CCDC141: variants seen among roughly 807,000 people sequenced by gnomAD.
CCDC141 encodes coiled-coil domain containing 141.
A neutral mutation model predicts 181.0 loss-of-function variants in CCDC141; 168 were observed. The ratio of observed to expected loss-of-function variants is 0.93; its 90% CI spans 0.82 to 1.05. The LOEUF (loss-of-function observed/expected upper bound fraction) is 1.05, where lower values mean the gene tolerates loss of function less well. CCDC141 is among the 50% of genes least tolerant of loss of function. CCDC141 has a pLI of 0.00. For synonymous variants in CCDC141, 666 were observed against 642.3 expected (o/e 1.04, Z -0.56); for missense variants, 1,902 against 1,788.5 (o/e 1.06, Z -1.14).
At position 178,944,657 on chromosome 2, in the gene CCDC141, T is replaced by C; in HGVS notation, c.781-6A>G. The C allele has an allele frequency of 3.8e-6, 5 of 1,319,964 alleles. No homozygotes were observed. Among genetic ancestry groups the C allele is most frequent in the Non-Finnish European group, 5.2e-6 (5 of 957,588 alleles). 81.8% of individuals were successfully genotyped at this position (1,319,964 alleles called of 1,614,324 possible). On this transcript the variant is annotated splice_region_variant and splice_polypyrimidine_tract_variant and intron_variant, in intron 5 of 23. Coordinates refer to ENST00000443758, the MANE Select transcript of CCDC141 (RefSeq NM_173648.4). ...TTCTGAAACCAACAAGTAACCTAGG[T>C]AAAAGGCAACAAAGAAAGATCAAAA...
rs1017177862 is a variant in CCDC141 at position 178,832,486 on chromosome 2, A to G, written c.*1687T>C. The G allele has an allele frequency of 6.7e-6, 1 of 150,238 alleles. No individual in the cohort carries two copies. The highest frequency in any genetic ancestry group is 2.4e-5 in the African/African-American group (1 of 40,894). 9.3% of individuals were successfully genotyped at this position (150,238 alleles called of 1,614,324 possible). On this transcript the variant is annotated 3_prime_UTR_variant, in exon 24 of 24. Coordinates refer to ENST00000443758, the MANE Select transcript of CCDC141 (RefSeq NM_173648.4). ...TTCTCAAAAAAAAAAAAAAAAAACA[A>G]AAAAAACAAAAAAAAGATAGTTAAG...
intron 2 of CCDC141, among the ~76,000 whole-genome samples, chr2:179,015,542 TATATATCTCATATCTC>T (rs1213535483): frequency 2.1e-5 from 1 of 46,576 alleles, no homozygotes; most frequent in African/African-American, 5.7e-5. Context: ...ATATATGATA[TATATATCTCATATCTC>T]ATATATATCT....
chr2:178,858,653 C>G (rs768227694), intron 17 of CCDC141, among the ~76,000 whole-genome samples: 19 of 150,552 alleles, frequency 1.3e-4, no homozygotes, highest in Non-Finnish European at 2.7e-4. Context: ...GTGCATTTTA[C>G]CACAATTAAA....
chr2:178,991,829 T>A (rs1378281450), intron 2 of CCDC141, among the ~76,000 whole-genome samples: 2 of 151,906 alleles, frequency 1.3e-5, no homozygotes, highest in Non-Finnish European at 2.9e-5. Flanking sequence ...ATTTAAAATA[T>A]TTTATTTAAC....
the CCDC141 span, among the ~76,000 whole-genome samples, chr2:178,816,717 T>C: frequency 1.3e-5 from 2 of 152,224 alleles, no homozygotes; most frequent in Non-Finnish European, 2.9e-5. Flanking sequence ...TTGTCAGTGC[T>C]TTGGATTTTA....
intron 6 of CCDC141, among the ~76,000 whole-genome samples, chr2:178,933,274 T>C (rs1461654835): frequency 1.3e-5 from 2 of 152,216 alleles, no homozygotes; most frequent in African/African-American, 4.8e-5. Context: ...TATGTCATAA[T>C]ATAAGACAAC....
intron 2 of CCDC141, among the ~76,000 whole-genome samples, chr2:178,979,897 A>G (rs1691289932): frequency 6.6e-6 from 1 of 152,176 alleles, no homozygotes; most frequent in Non-Finnish European, 1.5e-5. Context: ...CTACATTTAA[A>G]AACTTTAAAT....
At chr2:178,918,950 A>G (rs1158510524) in intron 6 of CCDC141, 43 bp from the exon 7 acceptor site, 1 of 1,490,314 alleles carries the variant, frequency 6.7e-7, no homozygotes, top group East Asian at 2.5e-5. Context: ...CTCCTCTGTT[A>G]TGGACCGAAT....
At chr2:178,912,640 T>C in intron 7 of CCDC141, among the ~76,000 whole-genome samples, 1 of 152,208 alleles carries the variant, frequency 6.6e-6, no homozygotes, top group South Asian at 2.1e-4. Flanking sequence ...ATCATCTGTT[T>C]CTTGTGGTGA....
chr2:179,031,181 ATAT>A (rs1207663830), intron 2 of CCDC141, among the ~76,000 whole-genome samples: 4 of 144,806 alleles, frequency 2.8e-5, no homozygotes, highest in African/African-American at 9.9e-5. Flanking sequence ...TAAATTAAAC[ATAT>A]TATTAAATTA....
chr2:178,965,567 C>A (rs1404244139), intron 4 of CCDC141, among the ~76,000 whole-genome samples: 1 of 152,124 alleles, frequency 6.6e-6, no homozygotes, highest in Admixed American at 6.5e-5. Context: ...TGAGGGACAG[C>A]CTGAGGAACT....
chr2:178,982,585 G>T (rs1173479783), intron 2 of CCDC141, among the ~76,000 whole-genome samples: 4 of 152,322 alleles, frequency 2.6e-5, no homozygotes, highest in South Asian at 4.1e-4. Flanking sequence ...TGCCAGACAG[G>T]GGGCGCAGGT....
the CCDC141 span, among the ~76,000 whole-genome samples, chr2:178,824,409 G>A: frequency 6.6e-6 from 1 of 151,994 alleles, no homozygotes; most frequent in African/African-American, 2.4e-5. Flanking sequence ...GATCACCTGA[G>A]GTCAAGAGTT....
intron 17 of CCDC141, among the ~76,000 whole-genome samples, chr2:178,861,561 A>G (rs1326481652): frequency 1.3e-5 from 2 of 149,928 alleles, no homozygotes; most frequent in African/African-American, 4.9e-5. Context: ...GCTTGAACCC[A>G]GGAGGCAGAG....
chr2:178,864,076 C>T lies in CCDC141; in HGVS notation c.2724+1691G>A, dbSNP rs558632673. ...TCACAGCTCTACAGGGAGCTAGAAA[C>T]GGAGCCAGAGGGGGCTGGGAAAACC... On this transcript the variant is annotated intron_variant, in intron 17 of 23. Transcript: ENST00000443758. Among the ~76,000 whole-genome samples the T allele has an allele frequency of 4.6e-5, 7 of 152,316 alleles. No homozygotes were observed. In the South Asian group the frequency reaches 6.2e-4, roughly 14 times the overall value.
chr2:178,962,180 T>C (rs1690435156), intron 4 of CCDC141, among the ~76,000 whole-genome samples: 1 of 152,166 alleles, frequency 6.6e-6, no homozygotes, highest in South Asian at 2.1e-4. Context: ...TAAATAGCAT[T>C]GTAAGTTTAG....
intron 6 of CCDC141, among the ~76,000 whole-genome samples, chr2:178,939,459 C>T (rs1250328840): frequency 6.6e-6 from 1 of 152,094 alleles, no homozygotes; most frequent in Admixed American, 6.6e-5. Context: ...AGGTGTGATG[C>T]TTTCTCTCCT....
intron 22 of CCDC141, among the ~76,000 whole-genome samples, chr2:178,844,287 T>C (rs1388176843): frequency 2.0e-5 from 3 of 152,182 alleles, no homozygotes; most frequent in African/African-American, 7.2e-5. Flanking sequence ...CTATTCTTTA[T>C]TGTGTCGACC....
chr2:178,853,951 A>G (rs1434656160), intron 19 of CCDC141, among the ~76,000 whole-genome samples: 1 of 152,232 alleles, frequency 6.6e-6, no homozygotes, highest in Non-Finnish European at 1.5e-5. Flanking sequence ...TTATAAGAAC[A>G]GGCAGGATAA....
Sources: allele counts gnomAD v4.1 joint callset (sites outside exome capture counted in the v4.1 genomes callset), GRCh38; gene constraint gnomAD v4.1.1; transcripts MANE v1.5; gene names NCBI Gene and HGNC (gene_info 2026-07-23, HGNC 2026-07-21).